The following COQ8A variants were observed in gnomAD, a reference collection of about 807,000 sequenced individuals.
COQ8A encodes the protein coenzyme Q8A.
COQ8A carries 51 observed loss-of-function variants against 65.0 expected under a neutral mutation model. The ratio of observed to expected loss-of-function variants is 0.78; its 90% CI spans 0.63 to 0.99. The LOEUF (loss-of-function observed/expected upper bound fraction) is 0.99, where lower values mean the gene tolerates loss of function less well. COQ8A is among the 50% of genes least tolerant of loss of function. The pLI is 0.00. For synonymous variants in COQ8A, 371 were observed against 353.2 expected (o/e 1.05, Z -0.57); for missense variants, 940 against 875.0 (o/e 1.07, Z -0.94).
chr1:226,975,326 A>T (rs1659126114), intron 4 of COQ8A, among the ~76,000 whole-genome samples: 1 of 152,148 alleles, frequency 6.6e-6, no homozygotes, highest in Non-Finnish European at 1.5e-5. Flanking sequence ...CCTGAGGGCC[A>T]GGAGGCTCAG....
chr1:226,960,457 CA>C (rs1658155236), intron 1 of COQ8A, among the ~76,000 whole-genome samples: 1 of 2,564 alleles, frequency 3.9e-4, no homozygotes, highest in Non-Finnish European at 8.0e-4. Context: ...GTGGTGGTGG[CA>C]GTACTTGGTG....
intron 1 of COQ8A, among the ~76,000 whole-genome samples, chr1:226,958,471 G>A (rs543821619): frequency 6.6e-6 from 1 of 152,288 alleles, no homozygotes; most frequent in East Asian, 1.9e-4. Flanking sequence ...GTCAGCATCA[G>A]TTGGCCCCTA....
At chr1:226,948,256 C>T (rs1337668762) in intron 1 of COQ8A, among the ~76,000 whole-genome samples, 1 of 152,216 alleles carries the variant, frequency 6.6e-6, no homozygotes, top group Non-Finnish European at 1.5e-5. Context: ...GCCTGCATTC[C>T]TTGGCTTGTG....
At position 226,977,617 on chromosome 1, in the gene COQ8A, C is replaced by T; in HGVS notation, c.730+94C>T. 5.8e-6 allele frequency: 8 copies of T among 1,371,062 alleles called. No homozygotes were observed. In the South Asian group the frequency reaches 9.0e-5, roughly 15 times the overall value. 84.9% of individuals were successfully genotyped at this position (1,371,062 alleles called of 1,614,324 possible). On this transcript the variant is annotated intron_variant, in intron 5 of 14. Transcript: ENST00000366777. Reference sequence around the variant, plus strand: ...CCCACCTGTGCTCTGGGAGTGTCAGCCAGCTGGGCCGCATTTGCATGGGGT... The same window carrying T: ...CCCACCTGTGCTCTGGGAGTGTCAGTCAGCTGGGCCGCATTTGCATGGGGT...
chr1:226,977,661 C>T, intron 5 of COQ8A, 138 bp downstream of exon 5: 1 of 942,104 alleles, frequency 1.1e-6, no homozygotes, highest in Non-Finnish European at 1.6e-6. Context: ...AGTGGCGTCC[C>T]TGGGGTGATG....
chr1:226,943,517 T>G (rs886785999), intron 1 of COQ8A, among the ~76,000 whole-genome samples: 3 of 152,160 alleles, frequency 2.0e-5, no homozygotes, highest in African/African-American at 7.2e-5. Flanking sequence ...GAGATAGAAC[T>G]GAAGGCATGG....
At chr1:226,982,578 A>C in intron 6 of COQ8A, 100 bp from the exon 7 acceptor site, 2 of 1,244,332 alleles carry the variant, frequency 1.6e-6, no homozygotes, top group Non-Finnish European at 2.4e-6. Context: ...CCTGGTGGGG[A>C]GGGTGTGGTG....
Position 226,952,560 on chromosome 1 carries a change from T to C in COQ8A, c.-9-8817T>C, listed in dbSNP as rs192149759. The stretch of plus-strand genomic sequence containing the variant: ...CCTTCTGAGTAGCTGGGACTACAGG[T>C]GCAGCACCACGCCTGGCTAATTTTT... On this transcript the variant is annotated intron_variant, in intron 1 of 14. Coordinates refer to ENST00000366777, the MANE Select transcript of COQ8A (RefSeq NM_020247.5). 8.1e-3 allele frequency among the ~76,000 whole-genome samples: 1,227 copies of C among 151,918 alleles called. 8 individuals carry two copies. The highest frequency in any genetic ancestry group is 0.014 in the Non-Finnish European group (919 of 67,926).
At chr1:226,960,563 C>G (rs1658180394) in intron 1 of COQ8A, among the ~76,000 whole-genome samples, 1 of 112,234 alleles carries the variant, frequency 8.9e-6, no homozygotes, top group African/African-American at 3.6e-5. Flanking sequence ...GTCAATGGTA[C>G]TTGGTGGTGG....
chr1:226,976,653 G>T (rs1156947491), intron 4 of COQ8A, among the ~76,000 whole-genome samples: 3 of 152,198 alleles, frequency 2.0e-5, no homozygotes, highest in African/African-American at 7.2e-5. Flanking sequence ...GGCATTAGTG[G>T]CACCTTCTGG....
intron 1 of COQ8A, among the ~76,000 whole-genome samples, chr1:226,960,266 T>C (rs1658088973): frequency 8.0e-6 from 1 of 124,444 alleles, no homozygotes; most frequent in African/African-American, 3.2e-5. Context: ...GTGGTGGTGG[T>C]ACTTGGTGGC....
intron 4 of COQ8A, among the ~76,000 whole-genome samples, chr1:226,973,207 T>C (rs1334996490): frequency 6.6e-6 from 1 of 152,240 alleles, no homozygotes. Context: ...GGGTCCACTT[T>C]GCAGCAGGAT....
At chr1:226,981,993 G>A (rs748558807) in intron 5 of COQ8A, 34 bp from the exon 6 acceptor site, 28 of 1,612,684 alleles carry the variant, frequency 1.7e-5, no homozygotes, top group African/African-American at 5.3e-5. Flanking sequence ...AGACCCCCCC[G>A]AGTGCCGTGG....
At chr1:226,980,812 T>C (rs1195835047) in intron 5 of COQ8A, among the ~76,000 whole-genome samples, 1 of 152,150 alleles carries the variant, frequency 6.6e-6, no homozygotes. Flanking sequence ...TCTCCGAGGC[T>C]CCTCTTCCGG....
rs542967678 is a variant in COQ8A, at chr1:226,952,714, A to G, written c.-9-8663A>G. Among the ~76,000 whole-genome samples, 4 of 152,140 alleles carry G rather than the reference A, an allele frequency of 2.6e-5. No individual in the cohort carries two copies. The South Asian group carries it at 8.3e-4, about 32-fold the overall frequency. ...GGCGTGTGCCGCTTCACCCAACCTG[A>G]TATTATTTTTATAACATTTATTTTC... On this transcript the variant is annotated intron_variant, in intron 1 of 14. Transcript: ENST00000366777.
chr1:226,954,270 C>T (rs571206204), intron 1 of COQ8A, among the ~76,000 whole-genome samples: 72 of 152,356 alleles, frequency 4.7e-4, no homozygotes, highest in African/African-American at 1.6e-3. Context: ...GGAAGACTTC[C>T]GCCTAAGGGC....
intron 5 of COQ8A, among the ~76,000 whole-genome samples, chr1:226,980,375 T>G (rs1215990918): frequency 6.6e-6 from 1 of 152,072 alleles, no homozygotes; most frequent in Non-Finnish European, 1.5e-5. Context: ...CTCTCAGGAG[T>G]GCTGCTGCTA....
chr1:226,942,891 G>A lies in COQ8A; in HGVS notation c.-10+2492G>A, dbSNP rs1355348419. On this transcript the variant is annotated intron_variant, in intron 1 of 14. Transcript: ENST00000366777. ...CTTCTGAGTCTAAATTTTGCCTTCA[G>A]TGTAATCCAGAATTTATGCCCCAAA... Among the ~76,000 whole-genome samples, 4 of 152,346 alleles carry A rather than the reference G, an allele frequency of 2.6e-5. No individual in the cohort carries two copies. The East Asian group carries it at 5.8e-4, about 22-fold the overall frequency.
Position 226,965,714 on chromosome 1 carries a change from TTGGCCGGC to T in COQ8A, c.638_645del (p.Arg213GlnfsTer71), listed in dbSNP as rs886042265. On this transcript the variant is annotated frameshift_variant, in exon 4 of 15. Coordinates refer to ENST00000366777, the MANE Select transcript of COQ8A (RefSeq NM_020247.5). LOFTEE classifies it high-confidence loss of function. ...GAGCGGAAGGTGCCTGTGACGAGGA[TTGGCCGGC>T]TGGCCAACTTCGGAGGTAAGGTGGC... 3.1e-6 allele frequency: 5 copies of T among 1,613,820 alleles called. No individual in the cohort carries two copies. The highest frequency in any genetic ancestry group is 4.2e-6 in the Non-Finnish European group (5 of 1,180,036).
Sources: allele counts gnomAD v4.1 joint callset (sites outside exome capture counted in the v4.1 genomes callset), GRCh38; gene constraint gnomAD v4.1.1; transcripts MANE v1.5; gene names NCBI Gene and HGNC (gene_info 2026-07-23, HGNC 2026-07-21).